FTCDNL1: variants seen among roughly 807,000 people sequenced by gnomAD.
The protein encoded by FTCDNL1 is formiminotransferase N-terminal subdomain-containing protein.
A neutral mutation model predicts 5.9 loss-of-function variants in FTCDNL1; 11 were observed. The observed-to-expected ratio is 1.87, with a 90% CI of 1.18 to 3.10. The LOEUF is 3.10. Ranked by LOEUF, FTCDNL1 falls within the 30% of genes most tolerant of loss-of-function variation. The pLI is 0.00. For missense variants in FTCDNL1, 115 were observed against 65.5 expected, an observed-to-expected ratio of 1.76 and a Z score of -2.61; for synonymous variants, 58 against 24.8, an observed-to-expected ratio of 2.34 and a Z score of -3.99.
downstream of FTCDNL1, among the ~76,000 whole-genome samples, chr2:199,805,655 C>T (rs1348596617): frequency 1.3e-5 from 2 of 152,136 alleles, no homozygotes; most frequent in Non-Finnish European, 2.9e-5. Flanking sequence ...AGCAGAATCG[C>T]TTGAACCCAA....
the FTCDNL1 span, among the ~76,000 whole-genome samples, chr2:199,729,313 AC>A: frequency 6.6e-6 from 1 of 152,184 alleles, no homozygotes; most frequent in Admixed American, 6.5e-5. Flanking sequence ...GCCCTCTCTC[AC>A]CACTCCTATC....
chr2:199,724,441 C>T, the FTCDNL1 span, among the ~76,000 whole-genome samples: 1 of 151,978 alleles, frequency 6.6e-6, no homozygotes, highest in Non-Finnish European at 1.5e-5. Context: ...GGTCTGTTTG[C>T]TCTTGGTTCC....
the FTCDNL1 span, among the ~76,000 whole-genome samples, chr2:199,700,986 G>A: frequency 2.0e-5 from 3 of 151,956 alleles, no homozygotes; most frequent in Middle Eastern, 3.2e-3. Context: ...ACTCTTTGAG[G>A]CTGAAGCAAA....
the FTCDNL1 span, among the ~76,000 whole-genome samples, chr2:199,748,667 C>T: frequency 6.6e-6 from 1 of 152,170 alleles, no homozygotes; most frequent in African/African-American, 2.4e-5. Flanking sequence ...CTAACATGCA[C>T]CTCTGAGTGT....
chr2:199,754,065 A>C, the FTCDNL1 span, among the ~76,000 whole-genome samples: 1 of 152,206 alleles, frequency 6.6e-6, no homozygotes, highest in East Asian at 1.9e-4. Context: ...ATGATAGAGC[A>C]GGGCCTCAGG....
chr2:199,694,435 C>T, the FTCDNL1 span, among the ~76,000 whole-genome samples: 4 of 152,170 alleles, frequency 2.6e-5, no homozygotes, highest in Non-Finnish European at 4.4e-5. Context: ...GGGCTTTTCC[C>T]TGACATGTGG....
chr2:199,728,251 CT>C, the FTCDNL1 span, among the ~76,000 whole-genome samples: 587 of 145,258 alleles, frequency 4.0e-3, 2 homozygotes, highest in African/African-American at 7.5e-3. Context: ...TCCATGGTAA[CT>C]TTTTTTTTTT....
At chr2:199,785,854 AC>A (rs1168159269) in intron 3 of FTCDNL1, among the ~76,000 whole-genome samples, 1 of 152,078 alleles carries the variant, frequency 6.6e-6, no homozygotes, top group African/African-American at 2.4e-5. Context: ...TGGTCCCCAA[AC>A]TTTTTGGCAC....
chr2:199,747,690 C>T, the FTCDNL1 span, among the ~76,000 whole-genome samples: 3 of 152,068 alleles, frequency 2.0e-5, no homozygotes, highest in Non-Finnish European at 4.4e-5. Context: ...ATTTCATTGC[C>T]GTACACTGAA....
chr2:199,775,211 CCT>C (rs377513785), intron 3 of FTCDNL1, among the ~76,000 whole-genome samples: 9 of 152,296 alleles, frequency 5.9e-5, no homozygotes, highest in South Asian at 2.1e-4. Flanking sequence ...GCCTGCAACC[CCT>C]GTTTTGGAGA....
chr2:199,736,108 G>C, the FTCDNL1 span, among the ~76,000 whole-genome samples: 1 of 152,212 alleles, frequency 6.6e-6, no homozygotes, highest in Non-Finnish European at 1.5e-5. Context: ...ACCAACTCCA[G>C]CATTAAGTGC....
the FTCDNL1 span, among the ~76,000 whole-genome samples, chr2:199,735,466 T>C: frequency 1.6e-4 from 17 of 108,296 alleles, no homozygotes; most frequent in South Asian, 4.0e-4. Context: ...ATTACCCTGC[T>C]TTTTTTTTTA....
At chr2:199,752,049 C>CA in the FTCDNL1 span, among the ~76,000 whole-genome samples, 7 of 152,134 alleles carry the variant, frequency 4.6e-5, no homozygotes, top group Non-Finnish European at 8.8e-5. Context: ...CACAGACAGT[C>CA]AGAGAATGAT....
the FTCDNL1 span, among the ~76,000 whole-genome samples, chr2:199,667,466 G>A: frequency 8.1e-5 from 11 of 136,458 alleles, no homozygotes; most frequent in Non-Finnish European, 1.5e-4. Flanking sequence ...GTGAGACCTC[G>A]TCTCTACAAA....
At chr2:199,780,210 C>T (rs966243336) in intron 3 of FTCDNL1, among the ~76,000 whole-genome samples, 2 of 152,138 alleles carry the variant, frequency 1.3e-5, no homozygotes, top group Non-Finnish European at 2.9e-5. Context: ...GCCCGGATGG[C>T]CCACCTCGCT....
At chr2:199,847,503 G>A (rs1213368705) in intron 2 of FTCDNL1, among the ~76,000 whole-genome samples, 1 of 152,106 alleles carries the variant, frequency 6.6e-6, no homozygotes, top group Non-Finnish European at 1.5e-5. Flanking sequence ...TGAATCAAAT[G>A]CTGAAAGAAT....
At chr2:199,726,168 T>G in the FTCDNL1 span, among the ~76,000 whole-genome samples, 1 of 152,220 alleles carries the variant, frequency 6.6e-6, no homozygotes, top group Admixed American at 6.5e-5. Flanking sequence ...CTCCTCTGCT[T>G]GGTCTATTCA....
intron 3 of FTCDNL1, among the ~76,000 whole-genome samples, chr2:199,774,018 C>A (rs1204792041): frequency 6.6e-6 from 1 of 152,160 alleles, no homozygotes; most frequent in East Asian, 1.9e-4. Context: ...TCTGTCCTGT[C>A]CCTGGAATGT....
chr2:199,821,009 A>G (rs888721798), intron 3 of FTCDNL1, among the ~76,000 whole-genome samples: 12 of 152,202 alleles, frequency 7.9e-5, no homozygotes, highest in African/African-American at 2.7e-4. Flanking sequence ...TCCCAACTGC[A>G]ATTTCAGGGT....
Sources: gnomAD v4.1 joint callset for allele counts (sites outside exome capture counted in the v4.1 genomes callset) on GRCh38, gnomAD v4.1.1 for gene constraint, MANE v1.5 for transcripts, NCBI Gene and HGNC (gene_info 2026-07-23, HGNC 2026-07-21) for gene names.